The following MTUS2 variants were observed in gnomAD, a reference collection of about 807,000 sequenced individuals.
The protein encoded by MTUS2 is microtubule associated scaffold protein 2.
MTUS2 carries 40 observed loss-of-function variants against 114.1 expected under a neutral mutation model. That is an observed-to-expected ratio of 0.35 (90% CI 0.27 to 0.46). The LOEUF is 0.46. MTUS2 is among the 20% of genes least tolerant of loss of function. The pLI is 1.00. For synonymous variants in MTUS2, 688 were observed against 672.0 expected (o/e 1.02, Z -0.37); for missense variants, 1,679 against 1,705.4 (o/e 0.98, Z 0.27).
intron 2 of MTUS2, among the ~76,000 whole-genome samples, chr13:28,982,803 C>G (rs1314827569): frequency 6.6e-6 from 1 of 152,142 alleles, no homozygotes; most frequent in Non-Finnish European, 1.5e-5. Flanking sequence ...CTATGTGATT[C>G]CATTCAGATG....
Position 29,100,787 on chromosome 13 carries a change from G to C in MTUS2, c.2461G>C (p.Ala821Pro). ...SSDPSADLKK[A>P]SSSNAAKSNL... ...GTTCGTTTTAGCAGATTTAAAGAAA[G>C]CTTCCAGTTCAAATGCTGCAAAATC... The change falls in exon 5 of 16, where the codon GCT becomes CCT. Residue 821 changes from alanine to proline, a missense_variant. Ala to Pro is a conservative substitution (Grantham distance 27, BLOSUM62 -1). Transcript: ENST00000612955. 2.6e-6 allele frequency: 4 copies of C among 1,551,474 alleles called. No homozygotes were observed. Among genetic ancestry groups the C allele is most frequent in the Non-Finnish European group, 3.5e-6 (4 of 1,146,976 alleles).
rs541695877 is a variant in MTUS2 at position 29,476,084 on chromosome 13, T to C, written c.3185-4066T>C. Among the ~76,000 whole-genome samples, 3 of 152,342 alleles carry C rather than the reference T, an allele frequency of 2.0e-5. No homozygotes were observed. The South Asian group carries it at 6.2e-4, about 32-fold the overall frequency. The stretch of plus-strand genomic sequence containing the variant: ...ACTGTACCTTGTTAATGTGTAGATA[T>C]GATTAGATTCACAAATACTTAGCAT... On this transcript the variant is annotated intron_variant, in intron 9 of 15. Coordinates refer to ENST00000612955, the MANE Select transcript of MTUS2 (RefSeq NM_001033602.4).
intron 2 of MTUS2, among the ~76,000 whole-genome samples, chr13:28,968,164 A>AT (rs1211290486): frequency 3.3e-5 from 5 of 152,006 alleles, no homozygotes; most frequent in South Asian, 2.1e-4. Context: ...ATTGTGTCTC[A>AT]TTTTTTTCAT....
chr13:29,353,361 A>C (rs1869461799), intron 7 of MTUS2, among the ~76,000 whole-genome samples: 1 of 152,092 alleles, frequency 6.6e-6, no homozygotes, highest in South Asian at 2.1e-4. Flanking sequence ...TGTACAGACA[A>C]GGTCTTACTA....
chr13:29,262,664 C>A (rs1462465859), intron 5 of MTUS2, among the ~76,000 whole-genome samples: 1 of 152,082 alleles, frequency 6.6e-6, no homozygotes, highest in Non-Finnish European at 1.5e-5. Context: ...GGGAAAACTA[C>A]CCCCTAGAGC....
At chr13:29,091,502 C>CTT (rs35232679) in intron 4 of MTUS2, among the ~76,000 whole-genome samples, 4 of 151,716 alleles carry the variant, frequency 2.6e-5, no homozygotes, top group Admixed American at 1.3e-4. Flanking sequence ...TTTCTTTTTC[C>CTT]TTTTTTTCCA....
chr13:29,037,223 C>A (rs1887122885), intron 4 of MTUS2, among the ~76,000 whole-genome samples: 1 of 152,202 alleles, frequency 6.6e-6, no homozygotes, highest in African/African-American at 2.4e-5. Context: ...CACAATCTCT[C>A]AGCATTTGCT....
intron 9 of MTUS2, among the ~76,000 whole-genome samples, chr13:29,474,498 C>G (rs1320127300): frequency 6.6e-6 from 1 of 152,064 alleles, no homozygotes; most frequent in African/African-American, 2.4e-5. Context: ...ACAGTGAATC[C>G]CTGTACCTTG....
intron 13 of MTUS2, chr13:29,497,849 A>G (rs1285198051): frequency 6.0e-6 from 1 of 166,462 alleles, no homozygotes; most frequent in Non-Finnish European, 1.3e-5. Context: ...TGTCCCATGC[A>G]ATACTTATAC....
chr13:28,943,831 A>G (rs1198390600), intron 2 of MTUS2, among the ~76,000 whole-genome samples: 2 of 152,134 alleles, frequency 1.3e-5, no homozygotes, highest in Admixed American at 6.5e-5. Flanking sequence ...AGGGCAGGGA[A>G]TGCCACATTG....
At position 29,026,421 on chromosome 13, in the gene MTUS2, A is replaced by G. The variant is rs767811338; in HGVS notation, c.1723A>G (p.Thr575Ala). The stretch of plus-strand genomic sequence containing the variant: ...GTCCCCCTTGGTAGTTCCACCCCCT[A>G]CTGATAGTGCACGCTTGTTGAACAC... ...AGSPLVVPPPTDSARLLNTSP... is the reference protein window; with the variant it reads ...AGSPLVVPPPADSARLLNTSP... The change falls in exon 3 of 16, where the codon ACT (threonine) becomes GCT (alanine). Residue 575 changes from threonine (T) to alanine (A), a missense_variant. Coordinates refer to ENST00000612955, the MANE Select transcript of MTUS2 (RefSeq NM_001033602.4). 8.1e-6 allele frequency: 13 copies of G among 1,613,712 alleles called. No homozygotes were observed. The highest frequency in any genetic ancestry group is 1.0e-5 in the Non-Finnish European group (12 of 1,179,850).
At chr13:29,461,975 A>G (rs1443694920) in intron 9 of MTUS2, among the ~76,000 whole-genome samples, 2 of 152,188 alleles carry the variant, frequency 1.3e-5, no homozygotes, top group Non-Finnish European at 2.9e-5. Context: ...AGAAGGAGCC[A>G]GGTGTCTGCT....
chr13:29,152,566 A>G (rs1892703729), intron 5 of MTUS2, among the ~76,000 whole-genome samples: 1 of 152,106 alleles, frequency 6.6e-6, no homozygotes, highest in African/African-American at 2.4e-5. Context: ...GTTCCTCTGA[A>G]GGAGGACCCA....
chr13:28,861,904 C>T (rs923199273), intron 2 of MTUS2, among the ~76,000 whole-genome samples: 1 of 152,140 alleles, frequency 6.6e-6, no homozygotes, highest in Non-Finnish European at 1.5e-5. Context: ...TGGGAACCCC[C>T]ATACGCTCCT....
At chr13:29,463,869 CG>C (rs1879697493) in intron 9 of MTUS2, among the ~76,000 whole-genome samples, 1 of 152,288 alleles carries the variant, frequency 6.6e-6, no homozygotes, top group South Asian at 2.1e-4. Context: ...TGTGGTGGCA[CG>C]TACCTGTAAT....
At chr13:29,385,497 C>T (rs375872691) in intron 8 of MTUS2, among the ~76,000 whole-genome samples, 2 of 152,258 alleles carry the variant, frequency 1.3e-5, no homozygotes, top group East Asian at 3.9e-4. Context: ...CTTCCTCTAC[C>T]CTTCAGAAAG....
chr13:29,339,020 T>C (rs1446521151), intron 7 of MTUS2, among the ~76,000 whole-genome samples: 2 of 151,846 alleles, frequency 1.3e-5, no homozygotes, highest in Admixed American at 6.6e-5. Context: ...CAAGGGTCAA[T>C]AGGATGAGGC....
chr13:29,240,712 C>G (rs1896699985), intron 5 of MTUS2, among the ~76,000 whole-genome samples: 1 of 152,150 alleles, frequency 6.6e-6, no homozygotes, highest in Admixed American at 6.5e-5. Context: ...AATTTCTAAA[C>G]AGTGGAACCC....
chr13:29,490,755 T>C (rs182543294), intron 11 of MTUS2, among the ~76,000 whole-genome samples: 167 of 152,382 alleles, frequency 1.1e-3, no homozygotes, highest in African/African-American at 3.9e-3. Flanking sequence ...TGAGCCTGGC[T>C]GGTAAGCCCG....
Sources: gnomAD v4.1 joint callset for allele counts (sites outside exome capture counted in the v4.1 genomes callset) on GRCh38, gnomAD v4.1.1 for gene constraint, MANE v1.5 for transcripts, NCBI Gene and HGNC (gene_info 2026-07-23, HGNC 2026-07-21) for gene names.